Variants in CSF2RB observed in about 807,000 individuals in gnomAD.
CSF2RB encodes the protein colony stimulating factor 2 receptor subunit beta.
CSF2RB carries 22 observed loss-of-function variants against 67.2 expected under a neutral mutation model. That is an observed-to-expected ratio of 0.33 (90% confidence interval 0.23 to 0.47). The LOEUF (loss-of-function observed/expected upper bound fraction) is 0.47. CSF2RB is among the 20% of genes least tolerant of loss of function. The pLI, the probability that CSF2RB is intolerant of heterozygous loss-of-function variation, is 1.00. For synonymous variants in CSF2RB, 507 were observed against 482.9 expected (o/e 1.05, Z -0.65); for missense variants, 1,113 against 1,174.5 (o/e 0.95, Z 0.76).
Position 36,922,215 on chromosome 22 carries a change from T to A in CSF2RB, c.8T>A (p.Leu3Gln), listed in dbSNP as rs1363625718. MV[L>Q]AQGLLSMALL... ...CCAGAGCTGACCAGGGAGATGGTGCTGGCCCAGGGGCTGCTCTCCATGGCC... is the reference window on the plus strand; with the variant it reads ...CCAGAGCTGACCAGGGAGATGGTGCAGGCCCAGGGGCTGCTCTCCATGGCC... Residue 3 changes from leucine to glutamine, a missense_variant, in exon 2 of 14, where the codon CTG (leucine) becomes CAG (glutamine). Leu to Gln is a moderately radical substitution (Grantham distance 113). Around this residue, in one of 2 missense-constraint regions of CSF2RB, gnomAD observed 559 missense variants for 656.5 expected, o/e 0.85. Transcript: ENST00000403662. The A allele has an allele frequency of 1.3e-6, 2 of 1,588,104 alleles. No individual in the cohort carries two copies. The highest frequency in any genetic ancestry group is 2.3e-5 in the South Asian group (2 of 87,020).
intron 3 of CSF2RB, chr22:36,923,757 A>T: frequency 7.7e-7 from 1 of 1,297,560 alleles, no homozygotes; most frequent in East Asian, 5.4e-5. Context: ...TGTCCAGAGT[A>T]GACCAAGGAG....
intron 1 of CSF2RB, among the ~76,000 whole-genome samples, chr22:36,915,331 T>G (rs1940693971): frequency 6.6e-6 from 1 of 152,082 alleles, no homozygotes; most frequent in Non-Finnish European, 1.5e-5. Context: ...ATGATCCGCC[T>G]GTCTCAGCCT....
intron 6 of CSF2RB, among the ~76,000 whole-genome samples, chr22:36,930,070 C>T (rs1941115569): frequency 6.6e-6 from 1 of 152,236 alleles, no homozygotes; most frequent in African/African-American, 2.4e-5. Flanking sequence ...GTGCTATTAG[C>T]AGCTGTGTGT....
In CSF2RB at chr22:36,940,332, G is replaced by A. The variant is rs939977989; in HGVS notation, c.*1830G>A. 1 of 152,116 alleles carries A rather than the reference G, an allele frequency of 6.6e-6. No individual in the cohort carries two copies. The highest frequency in any genetic ancestry group is 2.4e-5 in the African/African-American group (1 of 41,402). The allele number at this position is 152,116 out of a possible 1,614,324, so 9.4% of individuals were successfully genotyped here. A position where few individuals can be genotyped will look rare whatever the true frequency, so the allele number is the denominator to read the frequency against. ...TAAAGTAGAATCCTCTGTTCATAAT[G>A]AACAAGATGAACCAATGTGGATTAG... On this transcript the variant is annotated 3_prime_UTR_variant, in exon 14 of 14. Coordinates refer to ENST00000403662, the MANE Select transcript of CSF2RB (RefSeq NM_000395.3).
intron 9 of CSF2RB, 74 bp from the exon 10 acceptor site, chr22:36,933,758 G>T (rs1601591266): frequency 6.5e-7 from 1 of 1,535,994 alleles, no homozygotes; most frequent in Non-Finnish European, 8.7e-7. Flanking sequence ...CGAAGCCGAG[G>T]GTCCAGGTGG....
Position 36,937,601 on chromosome 22 carries a change from A to T in CSF2RB, c.1793A>T (p.His598Leu), listed in dbSNP as rs75573484. 3.2e-6 allele frequency: 5 copies of T among 1,584,686 alleles called. No homozygotes were observed. The Admixed American group carries it at 9.1e-5, about 29-fold the overall frequency. The change falls in exon 14 of 14, where the codon CAC (histidine) becomes CTC (leucine). Residue 598 changes from histidine to leucine, a missense_variant. By Grantham distance (99) the His-to-Leu change is moderately conservative (BLOSUM62 -3). Coordinates refer to ENST00000403662, the MANE Select transcript of CSF2RB (RefSeq NM_000395.3). The surrounding 1 kb of genome is among the most constrained non-coding windows in gnomAD (Gnocchi z 4.6). ...AATGGGCCCTACCTGGGGCCGCCCC[A>T]CAGCCGCTCCCTACCTGACATCCTG... ...DFNGPYLGPP[H>L]SRSLPDILGQ...
intron 4 of CSF2RB, among the ~76,000 whole-genome samples, chr22:36,928,829 G>A (rs1306781603): frequency 6.6e-6 from 1 of 152,214 alleles, no homozygotes; most frequent in East Asian, 1.9e-4. Flanking sequence ...ACACCTTAGG[G>A]GAGGCAGACA....
In CSF2RB at chr22:36,940,099, C is replaced by T. The variant is rs1460841703; in HGVS notation, c.*1597C>T. On this transcript the variant is annotated 3_prime_UTR_variant, in exon 14 of 14. Coordinates refer to ENST00000403662, the MANE Select transcript of CSF2RB (RefSeq NM_000395.3). The stretch of plus-strand genomic sequence containing the variant: ...TATACTTTATTGGTCCCTAGGCTTC[C>T]TATTTTGTTACCTTGCTTTCTCTAT... The T allele has an allele frequency of 6.6e-6, 1 of 152,134 alleles. No individual in the cohort carries two copies. Among genetic ancestry groups the T allele is most frequent in the African/African-American group, 2.4e-5 (1 of 41,426 alleles). 9.4% of individuals were successfully genotyped at this position (152,134 alleles called of 1,614,324 possible).
chr22:36,925,861 TG>T, intron 3 of CSF2RB, 125 bp from the exon 4 acceptor site: 1 of 1,058,382 alleles, frequency 9.4e-7, no homozygotes, highest in Non-Finnish European at 1.4e-6. Flanking sequence ...GCAGGATTTT[TG>T]TGTGTTTTAT....
chr22:36,921,133 TTCTG>T (rs938372619), intron 1 of CSF2RB, among the ~76,000 whole-genome samples: 1 of 150,722 alleles, frequency 6.6e-6, no homozygotes, highest in Middle Eastern at 3.2e-3. Context: ...GTGTGTGAAT[TTCTG>T]TGTATGTGTG....
intron 4 of CSF2RB, among the ~76,000 whole-genome samples, chr22:36,928,074 C>T (rs891220171): frequency 6.6e-6 from 1 of 152,074 alleles, no homozygotes. Context: ...CCTCCTGGAG[C>T]CTGTGTTGAG....
At chr22:36,917,080 G>A (rs745517967) in intron 1 of CSF2RB, among the ~76,000 whole-genome samples, 24 of 152,270 alleles carry the variant, frequency 1.6e-4, no homozygotes, top group African/African-American at 5.1e-4. Context: ...TGATGCCAAC[G>A]TTTCCGCCAC....
chr22:36,929,354 C>A (rs201329664), intron 4 of CSF2RB, 48 bp from the exon 5 acceptor site: 5 of 1,613,262 alleles, frequency 3.1e-6, no homozygotes, highest in Non-Finnish European at 4.2e-6. Context: ...GCCCTGACTG[C>A]CCCCCAGCGG....
chr22:36,915,781 G>T (rs1395749976), intron 1 of CSF2RB, among the ~76,000 whole-genome samples: 1 of 152,172 alleles, frequency 6.6e-6, no homozygotes, highest in African/African-American at 2.4e-5. Context: ...TACCTTTAGA[G>T]AAATTATCAA....
At chr22:36,932,705 G>C in intron 8 of CSF2RB, 60 bp from the exon 9 acceptor site, 1 of 1,584,508 alleles carries the variant, frequency 6.3e-7, no homozygotes, top group East Asian at 2.3e-5. Flanking sequence ...CATGAGACAC[G>C]GGGAATGTTC....
chr22:36,914,771 A>G (rs916032953), intron 1 of CSF2RB, among the ~76,000 whole-genome samples: 1 of 152,052 alleles, frequency 6.6e-6, no homozygotes, highest in Non-Finnish European at 1.5e-5. Flanking sequence ...AACATTTCCT[A>G]TTAGCTTTTG....
At position 36,938,643 on chromosome 22, in the gene CSF2RB, C is replaced by T. The variant is rs1941327648; in HGVS notation, c.*141C>T. ...GCCTGGGAAAGGAGATAGCCTTGCT[C>T]CGGCCCCCTTGACCTTCAGCAAATC... On this transcript the variant is annotated 3_prime_UTR_variant, in exon 14 of 14. Transcript: ENST00000403662. 2.3e-6 allele frequency: 2 copies of T among 875,380 alleles called. No homozygotes were observed. The highest frequency in any genetic ancestry group is 2.9e-5 in the Admixed American group (1 of 34,494). The allele number at this position is 875,380 out of a possible 1,614,324, so 54.2% of individuals were successfully genotyped here.
At position 36,937,308 on chromosome 22, in the gene CSF2RB, A is replaced by T; in HGVS notation, c.1569-69A>T. On this transcript the variant is annotated intron_variant, in intron 13 of 13. Transcript: ENST00000403662. This position sits in a 1 kb window ranked among gnomAD's most constrained non-coding sequence, Gnocchi z 4.6. ...AGAGAACCATCTCCACCCCACCAAGACCCTTGTGCCTGACCCGGATCATCT... is the reference window on the plus strand; with the variant it reads ...AGAGAACCATCTCCACCCCACCAAGTCCCTTGTGCCTGACCCGGATCATCT... The T allele has an allele frequency of 6.3e-7, 1 of 1,580,714 alleles. No homozygotes were observed. The highest frequency in any genetic ancestry group is 1.7e-5 in the Admixed American group (1 of 59,846).
At chr22:36,923,957 C>A (rs566059158) in intron 3 of CSF2RB, 569 of 381,126 alleles carry the variant, frequency 1.5e-3, no homozygotes, top group Non-Finnish European at 2.1e-3. Flanking sequence ...CTCCTGGGCA[C>A]GTGCCACAAG....
Sources: allele counts gnomAD v4.1 joint callset (sites outside exome capture counted in the v4.1 genomes callset), GRCh38; gene constraint gnomAD v4.1.1; regional missense constraint gnomAD v4.1.1; non-coding constraint Gnocchi (gnomAD v3.1); transcripts MANE v1.5; gene names NCBI Gene and HGNC (gene_info 2026-07-23, HGNC 2026-07-21).